MAP3K7: variants seen among roughly 807,000 people sequenced by gnomAD.
MAP3K7 encodes mitogen-activated protein kinase kinase kinase 7.
MAP3K7 carries 21 observed loss-of-function variants against 84.8 expected under a neutral mutation model. The ratio of observed to expected loss-of-function variants is 0.25; its 90% confidence interval spans 0.18 to 0.36. The LOEUF is 0.36. MAP3K7 is among the 10% of genes least tolerant of loss of function. MAP3K7 has a pLI of 1.00. For synonymous variants in MAP3K7, 241 were observed against 247.7 expected (o/e 0.97, Z 0.25); for missense variants, 503 against 747.7 (o/e 0.67, Z 3.82).
intron 13 of MAP3K7, among the ~76,000 whole-genome samples, chr6:90,531,932 G>A (rs1344097432): frequency 6.6e-6 from 1 of 150,738 alleles, no homozygotes; most frequent in Non-Finnish European, 1.5e-5. Context: ...CTCCAGCCTG[G>A]CTGACAGCGG....
chr6:90,530,221 TAA>T (rs1429078383), intron 13 of MAP3K7, among the ~76,000 whole-genome samples: 3 of 152,284 alleles, frequency 2.0e-5, no homozygotes, highest in African/African-American at 7.2e-5. Context: ...ATGCACATTT[TAA>T]AAAGAGAAAC....
chr6:90,545,780 T>C (rs1426221450), intron 11 of MAP3K7, among the ~76,000 whole-genome samples: 1 of 152,162 alleles, frequency 6.6e-6, no homozygotes, highest in Non-Finnish European at 1.5e-5. Context: ...AGAAAAGTCA[T>C]CAGATAAAAG....
At position 90,526,700 on chromosome 6, in the gene MAP3K7, G is replaced by A. The variant is rs142576424; in HGVS notation, c.1357-2917C>T. ...TAGTAAAAGATAGTATTTTGAAATC[G>A]GAGACAATACTATAAAAATGAACAC... On this transcript the variant is annotated intron_variant, in intron 13 of 16. Transcript: ENST00000369329. 6.5e-4 allele frequency among the ~76,000 whole-genome samples: 99 copies of A among 151,676 alleles called. No homozygotes were observed. The East Asian group carries it at 8.7e-3, about 13-fold the overall frequency.
intron 6 of MAP3K7, 69 bp from the exon 7 acceptor site, chr6:90,553,655 T>A: frequency 7.1e-7 from 1 of 1,404,864 alleles, no homozygotes; most frequent in Non-Finnish European, 9.8e-7. Context: ...AACAATGGCT[T>A]AAATTTTGAG....
At chr6:90,584,897 C>T (rs1777392326) in intron 1 of MAP3K7, among the ~76,000 whole-genome samples, 1 of 152,052 alleles carries the variant, frequency 6.6e-6, no homozygotes, top group Non-Finnish European at 1.5e-5. Context: ...AAAGCTGCAT[C>T]AACTATCCAC....
chr6:90,523,944 T>C (rs550536025), intron 13 of MAP3K7, among the ~76,000 whole-genome samples, 161 bp from the exon 14 acceptor site: 3 of 152,290 alleles, frequency 2.0e-5, no homozygotes, highest in Admixed American at 2.0e-4. Context: ...AAATTTATAT[T>C]CACTCACGCA....
chr6:90,577,026 G>T (rs12526594), intron 1 of MAP3K7, among the ~76,000 whole-genome samples: 1 of 152,174 alleles, frequency 6.6e-6, no homozygotes, highest in African/African-American at 2.4e-5. Context: ...AGCTCTTAAA[G>T]AAAGGATTGT....
rs556414492 is a variant in MAP3K7, at chr6:90,548,196, T to C, written c.950-19A>G. The C allele has an allele frequency of 3.1e-6, 5 of 1,595,898 alleles. No individual in the cohort carries two copies. In the South Asian group the frequency reaches 4.6e-5, roughly 15 times the overall value. On this transcript the variant is annotated intron_variant, in intron 9 of 16. Transcript: ENST00000369329. The stretch of plus-strand genomic sequence containing the variant: ...AATGAGCCTAGGAAAAGCAGAAACA[T>C]TTATGACTAATGGCTGGAAATAATA...
intron 3 of MAP3K7, among the ~76,000 whole-genome samples, chr6:90,564,097 C>A (rs1776616902): frequency 1.3e-5 from 2 of 152,176 alleles, no homozygotes; most frequent in African/African-American, 4.8e-5. Flanking sequence ...ACAACCGGTA[C>A]CAGCCATTGC....
At chr6:90,568,412 T>TG (rs1776787342) in intron 3 of MAP3K7, 146 bp downstream of exon 3, 1 of 611,082 alleles carries the variant, frequency 1.6e-6, no homozygotes, top group Non-Finnish European at 2.8e-6. Flanking sequence ...TTTAAAGTAT[T>TG]GGAGGTACCT....
At chr6:90,527,144 G>A (rs1186324908) in intron 13 of MAP3K7, among the ~76,000 whole-genome samples, 4 of 152,118 alleles carry the variant, frequency 2.6e-5, no homozygotes, top group Non-Finnish European at 5.9e-5. Flanking sequence ...CACATCAACA[G>A]ATTAAAGGAC....
intron 6 of MAP3K7, among the ~76,000 whole-genome samples, chr6:90,556,219 T>C (rs547579871): frequency 2.1e-4 from 32 of 152,356 alleles, no homozygotes; most frequent in Admixed American, 1.0e-3. Flanking sequence ...TGAGTATTAA[T>C]TTTGGGGTTA....
intron 13 of MAP3K7, among the ~76,000 whole-genome samples, chr6:90,535,811 C>T (rs36004730): frequency 6.6e-5 from 10 of 152,102 alleles, no homozygotes; most frequent in Non-Finnish European, 1.0e-4. Flanking sequence ...AGAAGCCTTT[C>T]GAGAGTTTAC....
chr6:90,581,923 T>C (rs1777284941), intron 1 of MAP3K7, among the ~76,000 whole-genome samples: 1 of 152,246 alleles, frequency 6.6e-6, no homozygotes, highest in Non-Finnish European at 1.5e-5. Context: ...CTCCTCTTTG[T>C]AGCATATTTT....
At chr6:90,585,982 T>G (rs1378337226) in intron 1 of MAP3K7, among the ~76,000 whole-genome samples, 1 of 152,228 alleles carries the variant, frequency 6.6e-6, no homozygotes, top group Non-Finnish European at 1.5e-5. Context: ...TTTATTAGAC[T>G]TGATGATCTA....
chr6:90,547,328 G>C lies in MAP3K7; in HGVS notation c.1140C>G (p.Pro380=), dbSNP rs199901257. The C allele has an allele frequency of 8.7e-6, 14 of 1,612,316 alleles. No individual in the cohort carries two copies. In the East Asian group the frequency reaches 1.8e-4, roughly 21 times the overall value. The part of the protein sequence containing the change: ...ASRGSSVESL[P]PTSEGKRMSA... ...TCATCCTCTTGCCCTCAGAGGTTGGGGGCAAGCTCTCCACACTGCTCCCAC... is the reference window on the plus strand; with the variant it reads ...TCATCCTCTTGCCCTCAGAGGTTGGCGGCAAGCTCTCCACACTGCTCCCAC... Residue 380 remains proline (P), a synonymous_variant, in exon 11 of 17, where the codon CCC becomes CCG. Transcript: ENST00000369329.
intron 5 of MAP3K7, among the ~76,000 whole-genome samples, chr6:90,559,616 A>C (rs899717939): frequency 6.6e-6 from 1 of 152,192 alleles, no homozygotes. Context: ...GAATATTTTC[A>C]ATTTCTACCC....
At chr6:90,581,950 C>A (rs1383266937) in intron 1 of MAP3K7, among the ~76,000 whole-genome samples, 1 of 152,168 alleles carries the variant, frequency 6.6e-6, no homozygotes, top group East Asian at 1.9e-4. Context: ...TAAAACAAAA[C>A]TTTTGTGTGT....
Position 90,560,218 on chromosome 6 carries a change from C to G in MAP3K7, c.344-4G>C, listed in dbSNP as rs374816197. ...AATGGTTCAGCACCATGCAGCACTG[C>G]GAAAGAAAGGCACAAACTAAAAAGA... On this transcript the variant is annotated splice_region_variant and splice_polypyrimidine_tract_variant and intron_variant, in intron 4 of 16. Transcript: ENST00000369329. 3.1e-6 allele frequency: 5 copies of G among 1,613,116 alleles called. No individual in the cohort carries two copies. The highest frequency in any genetic ancestry group is 4.2e-6 in the Non-Finnish European group (5 of 1,179,702).
Sources: allele counts gnomAD v4.1 joint callset (sites outside exome capture counted in the v4.1 genomes callset), GRCh38; gene constraint gnomAD v4.1.1; transcripts MANE v1.5; gene names NCBI Gene and HGNC (gene_info 2026-07-23, HGNC 2026-07-21).